RCL1: variants seen among roughly 807,000 people sequenced by gnomAD.
The protein encoded by RCL1 is RNA 3'-terminal phosphate cyclase-like protein.
A neutral mutation model predicts 42.4 loss-of-function variants in RCL1; 24 were observed. The observed-to-expected ratio is 0.57, with a 90% CI of 0.41 to 0.80. The LOEUF (loss-of-function observed/expected upper bound fraction) is 0.80. Among genes scored for constraint, RCL1 ranks in the 30% least tolerant of loss-of-function variants. The probability of loss-of-function intolerance (pLI) is 0.00; values close to 1 mark genes in which losing one functional copy is unlikely to be tolerated. For missense variants in RCL1, 578 were observed against 467.9 expected, an observed-to-expected ratio of 1.24 and a Z score of -2.17; for synonymous variants, 228 against 177.3, an observed-to-expected ratio of 1.29 and a Z score of -2.27.
At chr9:4,812,508 C>T (rs1816215659) in intron 1 of RCL1, among the ~76,000 whole-genome samples, 1 of 152,144 alleles carries the variant, frequency 6.6e-6, no homozygotes, top group African/African-American at 2.4e-5. Context: ...AAACGATCCT[C>T]CTGCCTTGGC....
chr9:4,806,046 T>TGTGTGTGTGTG (rs1587696264), intron 1 of RCL1, among the ~76,000 whole-genome samples: 3 of 71,332 alleles, frequency 4.2e-5, no homozygotes, highest in African/African-American at 4.4e-5. Flanking sequence ...GTGTGTGTGT[T>TGTGTGTGTGTG]TGTGTGTGTG....
intron 8 of RCL1, among the ~76,000 whole-genome samples, chr9:4,855,573 C>T (rs1234678027): frequency 6.6e-6 from 1 of 152,088 alleles, no homozygotes; most frequent in Non-Finnish European, 1.5e-5. Flanking sequence ...ACAGGACGAG[C>T]TTACTCTTCA....
chr9:4,818,739 G>A (rs1359287313), intron 1 of RCL1, among the ~76,000 whole-genome samples: 3 of 152,050 alleles, frequency 2.0e-5, no homozygotes, highest in African/African-American at 7.2e-5. Flanking sequence ...GGACATGGTG[G>A]CACGTGCCTG....
At chr9:4,830,617 T>C (rs573666526) in intron 3 of RCL1, among the ~76,000 whole-genome samples, 1 of 152,314 alleles carries the variant, frequency 6.6e-6, no homozygotes, top group South Asian at 2.1e-4. Flanking sequence ...TTCCATTCTT[T>C]TCCAGTTCCC....
At chr9:4,799,002 C>T (rs1274943858) in intron 1 of RCL1, among the ~76,000 whole-genome samples, 1 of 136,310 alleles carries the variant, frequency 7.3e-6, no homozygotes, top group Non-Finnish European at 1.6e-5. Context: ...TTTCCTCTCT[C>T]CCTCCCCTTC....
chr9:4,851,646 A>G (rs1355608230), intron 8 of RCL1, among the ~76,000 whole-genome samples: 2 of 152,006 alleles, frequency 1.3e-5, no homozygotes, highest in Admixed American at 1.3e-4. Context: ...AAACTAACAC[A>G]TTTATTTTTA....
intron 1 of RCL1, among the ~76,000 whole-genome samples, chr9:4,808,362 C>A (rs768051033): frequency 1.3e-5 from 2 of 151,996 alleles, no homozygotes; most frequent in African/African-American, 4.8e-5. Flanking sequence ...AGCTGGAGTG[C>A]AGTGGTGTGA....
intron 4 of RCL1, 134 bp downstream of exon 4, chr9:4,833,362 C>G (rs561499353): frequency 1.2e-4 from 86 of 689,850 alleles, no homozygotes; most frequent in Non-Finnish European, 2.1e-4. Context: ...TCACAGGGCT[C>G]ATGAAATAAA....
chr9:4,811,602 C>CT (rs1489736083), intron 1 of RCL1, among the ~76,000 whole-genome samples: 2 of 152,136 alleles, frequency 1.3e-5, no homozygotes, highest in African/African-American at 4.8e-5. Flanking sequence ...GAATTTCGTT[C>CT]TTTTTTATAG....
intron 5 of RCL1, among the ~76,000 whole-genome samples, chr9:4,834,510 A>ATTTTTT: frequency 7.0e-6 from 1 of 142,540 alleles, no homozygotes. Context: ...GTTAACATTT[A>ATTTTTT]GGCAAATGGC....
chr9:4,853,785 A>T (rs1817840084), intron 8 of RCL1, among the ~76,000 whole-genome samples: 1 of 142,696 alleles, frequency 7.0e-6, no homozygotes, highest in African/African-American at 2.4e-5. Context: ...ATCTAAAATA[A>T]ACCGTGACTT....
intron 1 of RCL1, among the ~76,000 whole-genome samples, chr9:4,809,725 C>G (rs774834640): frequency 2.6e-5 from 4 of 152,300 alleles, no homozygotes; most frequent in Non-Finnish European, 4.4e-5. Context: ...TATTTCTTCC[C>G]TGTATTGATA....
chr9:4,820,115 T>C (rs185958700), intron 1 of RCL1, among the ~76,000 whole-genome samples: 5 of 152,346 alleles, frequency 3.3e-5, no homozygotes, highest in African/African-American at 4.8e-5. Flanking sequence ...ATAACCTAAT[T>C]ATGTATTCAT....
intron 2 of RCL1, among the ~76,000 whole-genome samples, chr9:4,826,455 AG>A (rs909268116): frequency 2.1e-5 from 3 of 140,518 alleles, no homozygotes; most frequent in African/African-American, 7.9e-5. Flanking sequence ...ATATCATTTC[AG>A]GGGCCCTAGA....
Position 4,812,730 on chromosome 9 carries a change from T to C in RCL1, c.137-10818T>C, listed in dbSNP as rs187274251. 4.1e-4 allele frequency among the ~76,000 whole-genome samples: 63 copies of C among 152,280 alleles called. No homozygotes were observed. The East Asian group carries it at 0.011, about 27-fold the overall frequency. ...ATTGAATCTGTAGATAAAGATGGAA[T>C]GTGTTTCCATTTTTTTTGTGTGTGT... is the stretch of plus-strand genomic sequence containing the variant. On this transcript the variant is annotated intron_variant, in intron 1 of 8. Transcript: ENST00000381750.
intron 8 of RCL1, 36 bp from the exon 9 acceptor site, chr9:4,860,089 T>G (rs369694684): frequency 1.3e-4 from 181 of 1,418,198 alleles, no homozygotes; most frequent in Non-Finnish European, 1.9e-5. Flanking sequence ...TGAATGAATT[T>G]CTTTTTATTT....
At chr9:4,851,596 G>T (rs1312969949) in intron 8 of RCL1, among the ~76,000 whole-genome samples, 1 of 152,126 alleles carries the variant, frequency 6.6e-6, no homozygotes, top group Non-Finnish European at 1.5e-5. Flanking sequence ...TCATGGTGGG[G>T]GAATAGTTTA....
chr9:4,833,376 T>G (rs1395473130), intron 4 of RCL1, 148 bp downstream of exon 4: 8 of 652,462 alleles, frequency 1.2e-5, no homozygotes, highest in Non-Finnish European at 1.9e-5. Flanking sequence ...AAATAAACAC[T>G]ACAGACTTTG....
intron 1 of RCL1, among the ~76,000 whole-genome samples, chr9:4,812,013 C>T (rs2130983629): frequency 6.6e-6 from 1 of 152,226 alleles, no homozygotes; most frequent in East Asian, 1.9e-4. Flanking sequence ...GATGTCTATT[C>T]AGCTTTTTTG....
Sources: gnomAD v4.1 joint callset for allele counts (sites outside exome capture counted in the v4.1 genomes callset) on GRCh38, gnomAD v4.1.1 for gene constraint, MANE v1.5 for transcripts, NCBI Gene and HGNC (gene_info 2026-07-23, HGNC 2026-07-21) for gene names.